PARD3B: variants seen among roughly 807,000 people sequenced by gnomAD.
PARD3B encodes the protein par-3 family cell polarity regulator beta, also known as partitioning defective 3 homolog B.
In PARD3B, 103 loss-of-function variants were observed where a neutral mutation model predicts 130.2. The observed-to-expected ratio is 0.79, with a 90% CI of 0.67 to 0.93. The LOEUF (loss-of-function observed/expected upper bound fraction) is 0.93. PARD3B is among the 40% of genes least tolerant of loss of function. The pLI, the probability that PARD3B is intolerant of heterozygous loss-of-function variation, is 0.00. For synonymous variants in PARD3B, 583 were observed against 553.2 expected, an observed-to-expected ratio of 1.05 and a Z score of -0.76; for missense variants, 1,609 against 1,499.2, an observed-to-expected ratio of 1.07 and a Z score of -1.21.
At chr2:204,790,976 A>C (rs1446561897) in intron 2 of PARD3B, among the ~76,000 whole-genome samples, 1 of 152,042 alleles carries the variant, frequency 6.6e-6, no homozygotes, top group African/African-American at 2.4e-5. Flanking sequence ...ACAGTGGTGC[A>C]TGCCTGTAAT....
chr2:204,881,791 T>TG (rs1459529560), intron 2 of PARD3B, among the ~76,000 whole-genome samples: 1 of 152,228 alleles, frequency 6.6e-6, no homozygotes, highest in African/African-American at 2.4e-5. Context: ...TCAGGAGTGC[T>TG]GCTGCTGTGT....
At position 204,899,730 on chromosome 2, in the gene PARD3B, T is replaced by G. The variant is rs753239421; in HGVS notation, c.223-65422T>G. 2.6e-5 allele frequency among the ~76,000 whole-genome samples: 4 copies of G among 152,334 alleles called. No homozygotes were observed. In the South Asian group the frequency reaches 8.3e-4, roughly 32 times the overall value. ...CATTTTATACCTTCAGATAATTTTT[T>G]ATTACTCATCAACATCCTTCTCTTT... On this transcript the variant is annotated intron_variant, in intron 2 of 22. Transcript: ENST00000406610.
chr2:205,103,078 A>G (rs1373286248), intron 4 of PARD3B, among the ~76,000 whole-genome samples: 2 of 127,064 alleles, frequency 1.6e-5, no homozygotes, highest in African/African-American at 2.6e-5. Context: ...AAATAAAAAT[A>G]TATATTTTTT....
Position 205,281,014 on chromosome 2 carries a change from A to T in PARD3B, c.2186-19516A>T, listed in dbSNP as rs1283124612. Among the ~76,000 whole-genome samples, 2 of 152,194 alleles carry T rather than the reference A, an allele frequency of 1.3e-5. No individual in the cohort carries two copies. The highest frequency in any genetic ancestry group is 6.5e-5 in the Admixed American group (1 of 15,270). ...AACTTTACTTATGAGCAAAGGCTGAAACACTGTGAAAGCCTTTTTATTAGT... is the reference window on the plus strand; with the variant it reads ...AACTTTACTTATGAGCAAAGGCTGATACACTGTGAAAGCCTTTTTATTAGT... On this transcript the variant is annotated intron_variant, in intron 16 of 22. Coordinates refer to ENST00000406610, the MANE Select transcript of PARD3B (RefSeq NM_001302769.2). The surrounding 1 kb of genome is among the most constrained non-coding windows in gnomAD (Gnocchi z 4.2).
intron 2 of PARD3B, among the ~76,000 whole-genome samples, chr2:204,810,080 A>G (rs1441787673): frequency 7.5e-6 from 1 of 134,094 alleles, no homozygotes; most frequent in African/African-American, 3.7e-5. Context: ...ATTTTTTAAC[A>G]TTGATTTTTT....
chr2:204,727,697 C>CA (rs2039298453), intron 2 of PARD3B, among the ~76,000 whole-genome samples: 2 of 152,146 alleles, frequency 1.3e-5, no homozygotes, highest in Non-Finnish European at 1.5e-5. Context: ...ATTTAATAAG[C>CA]TGTAGCAGGG....
At chr2:204,973,433 C>T (rs1187045083) in intron 3 of PARD3B, among the ~76,000 whole-genome samples, 1 of 152,034 alleles carries the variant, frequency 6.6e-6, no homozygotes, top group Non-Finnish European at 1.5e-5. Context: ...ATTCAGGAAT[C>T]TTGTTAACAA....
At chr2:205,344,931 C>G (rs1214168285) in intron 18 of PARD3B, among the ~76,000 whole-genome samples, 1 of 152,060 alleles carries the variant, frequency 6.6e-6, no homozygotes, top group Non-Finnish European at 1.5e-5. Context: ...TCTTCCTCCC[C>G]CTTCATAGCA....
chr2:205,186,836 T>A (rs2036129443), intron 14 of PARD3B, among the ~76,000 whole-genome samples: 1 of 152,210 alleles, frequency 6.6e-6, no homozygotes. Flanking sequence ...CCTATTTAAT[T>A]TTGTCCATTC....
At chr2:204,803,135 G>A (rs1373536594) in intron 2 of PARD3B, among the ~76,000 whole-genome samples, 2 of 114,774 alleles carry the variant, frequency 1.7e-5, no homozygotes, top group African/African-American at 7.3e-5. Flanking sequence ...TGTATTTAAA[G>A]TGCTGAAGGA....
At chr2:204,624,720 A>C (rs2034426666) in intron 1 of PARD3B, among the ~76,000 whole-genome samples, 1 of 152,152 alleles carries the variant, frequency 6.6e-6, no homozygotes, top group African/African-American at 2.4e-5. Context: ...GACAAAGGAC[A>C]GAATTTTCAT....
At chr2:205,123,657 A>C (rs2125626740) in intron 8 of PARD3B, among the ~76,000 whole-genome samples, 1 of 12,714 alleles carries the variant, frequency 7.9e-5, no homozygotes, top group South Asian at 2.3e-3. Flanking sequence ...AGTCAATTTC[A>C]AAAAAAAAAA....
intron 15 of PARD3B, among the ~76,000 whole-genome samples, chr2:205,204,304 T>A (rs2037161542): frequency 6.6e-6 from 1 of 151,994 alleles, no homozygotes; most frequent in African/African-American, 2.4e-5. Flanking sequence ...GGGGTTGTTT[T>A]TTACTTGTAA....
chr2:204,561,577 G>A (rs1195718692), intron 1 of PARD3B, among the ~76,000 whole-genome samples: 1 of 151,024 alleles, frequency 6.6e-6, no homozygotes, highest in Non-Finnish European at 1.5e-5. Flanking sequence ...CTAGCCCTAT[G>A]TACTCATCTC....
Position 205,118,993 on chromosome 2 carries a change from T to C in PARD3B, c.753T>C (p.Asn251=). 6.2e-7 allele frequency: 1 copy of C among 1,611,714 alleles called. No individual in the cohort carries two copies. Among genetic ancestry groups the C allele is most frequent in the African/African-American group, 1.3e-5 (1 of 74,868 alleles). ...RSKREGLFHE[N]ECIVKINNVD... ...AGCGGGAGGGACTATTTCACGAAAA[T>C]GAATGTATTGTAAAAATCAACAATG... The change falls in exon 7 of 23, where the codon AAT becomes AAC. Residue 251 remains asparagine (N), a synonymous_variant. Coordinates refer to ENST00000406610, the MANE Select transcript of PARD3B (RefSeq NM_001302769.2).
chr2:205,354,038 T>C (rs1238043641), intron 18 of PARD3B, among the ~76,000 whole-genome samples: 2 of 138,830 alleles, frequency 1.4e-5, no homozygotes, highest in Non-Finnish European at 3.1e-5. Context: ...TTTTTTTTTT[T>C]TTTTTTTTTT....
intron 3 of PARD3B, among the ~76,000 whole-genome samples, chr2:205,045,508 A>G (rs541879302): frequency 1.3e-5 from 2 of 152,100 alleles, no homozygotes; most frequent in African/African-American, 4.8e-5. Flanking sequence ...TCGGCCTCCC[A>G]AAGTGCTGGG....
chr2:205,234,198 T>C (rs927316318), intron 15 of PARD3B, among the ~76,000 whole-genome samples: 7 of 152,198 alleles, frequency 4.6e-5, no homozygotes, highest in Non-Finnish European at 8.8e-5. Context: ...CTCATGCCTG[T>C]AATCCCAGCA....
chr2:205,434,451 A>G (rs1043020025), intron 19 of PARD3B, among the ~76,000 whole-genome samples: 1 of 152,182 alleles, frequency 6.6e-6, no homozygotes, highest in East Asian at 1.9e-4. Flanking sequence ...CCCGTAATCT[A>G]GTTATGGAAG....
Sources: allele counts gnomAD v4.1 joint callset (sites outside exome capture counted in the v4.1 genomes callset), GRCh38; gene constraint gnomAD v4.1.1; non-coding constraint Gnocchi (gnomAD v3.1); transcripts MANE v1.5; gene names NCBI Gene and HGNC (gene_info 2026-07-23, HGNC 2026-07-21).